The following RNF43 variants were observed in gnomAD, a reference collection of about 807,000 sequenced individuals.
RNF43 encodes the protein ring finger protein 43.
RNF43 carries 37 observed loss-of-function variants against 78.4 expected under a neutral mutation model. The observed-to-expected ratio is 0.47, with a 90% CI of 0.36 to 0.62. The LOEUF (loss-of-function observed/expected upper bound fraction) is 0.62. RNF43 is among the 20% of genes least tolerant of loss of function. The pLI is 0.00. For missense variants in RNF43, 774 were observed against 1,007.9 expected (o/e 0.77, Z 3.14); for synonymous variants, 347 against 395.0 (o/e 0.88, Z 1.44).
intron 2 of RNF43, among the ~76,000 whole-genome samples, chr17:58,375,181 C>T (rs1973181648): frequency 6.6e-6 from 1 of 152,190 alleles, no homozygotes; most frequent in South Asian, 2.1e-4. Context: ...CCCATTCGTT[C>T]TCTATATTGC....
At chr17:58,407,268 C>T (rs992637407) in intron 2 of RNF43, among the ~76,000 whole-genome samples, 9 of 151,952 alleles carry the variant, frequency 5.9e-5, no homozygotes, top group African/African-American at 1.9e-4. Context: ...TTGGTAGAGA[C>T]ATGGTTTCAC....
chr17:58,376,592 T>A (rs1973209830), intron 2 of RNF43, among the ~76,000 whole-genome samples: 1 of 152,180 alleles, frequency 6.6e-6, no homozygotes, highest in Non-Finnish European at 1.5e-5. Flanking sequence ...ACACAGGGGC[T>A]GTCTTTGCCC....
At chr17:58,410,825 T>A (rs1974012373) in intron 2 of RNF43, among the ~76,000 whole-genome samples, 1 of 152,210 alleles carries the variant, frequency 6.6e-6, no homozygotes, top group Non-Finnish European at 1.5e-5. Context: ...TAGCAGGATA[T>A]GATGCACTCT....
chr17:58,394,977 A>G (rs941750598), intron 2 of RNF43: 2 of 152,270 alleles, frequency 1.3e-5, no homozygotes, highest in African/African-American at 4.8e-5. Context: ...ACTCCACCAC[A>G]GAGCTCTCCA....
In RNF43 at chr17:58,373,036, A is replaced by G. The variant is rs1484924407; in HGVS notation, c.253-2003T>C. ...AATTTCTCTGAAGACTGTGGAGGAG[A>G]CTCTGGTGTGGTGGGGAATCTGAAG... On this transcript the variant is annotated intron_variant, in intron 2 of 9. Coordinates refer to ENST00000407977, the MANE Select transcript of RNF43 (RefSeq NM_017763.6). Among the ~76,000 whole-genome samples, 5 of 151,992 alleles carry G rather than the reference A, an allele frequency of 3.3e-5. No homozygotes were observed. In the East Asian group the frequency reaches 7.7e-4, roughly 23 times the overall value.
chr17:58,398,505 G>C (rs1009192585), intron 2 of RNF43, among the ~76,000 whole-genome samples: 19 of 152,078 alleles, frequency 1.2e-4, no homozygotes, highest in Non-Finnish European at 4.4e-5. Flanking sequence ...TTTGGTTCTG[G>C]GGTAAGGTAC....
chr17:58,377,809 C>T (rs1427561078), intron 2 of RNF43, among the ~76,000 whole-genome samples: 3 of 152,016 alleles, frequency 2.0e-5, no homozygotes, highest in Non-Finnish European at 2.9e-5. Flanking sequence ...CCTTTGTAAT[C>T]AAGAACATTG....
chr17:58,385,780 A>T (rs143927391), intron 2 of RNF43, among the ~76,000 whole-genome samples: 1 of 152,294 alleles, frequency 6.6e-6, no homozygotes, highest in East Asian at 1.9e-4. Context: ...ATCTCTTCCA[A>T]GCTGTGGGTA....
At chr17:58,363,488 C>T (rs2143472255) in intron 4 of RNF43, 38 bp downstream of exon 4, 3 of 1,611,524 alleles carry the variant, frequency 1.9e-6, no homozygotes, top group Non-Finnish European at 1.7e-6. Flanking sequence ...CTTCCTCCAT[C>T]CAGCCCCCAC....
chr17:58,371,767 T>C (rs1973102004), intron 2 of RNF43, among the ~76,000 whole-genome samples: 1 of 152,150 alleles, frequency 6.6e-6, no homozygotes, highest in African/African-American at 2.4e-5. Flanking sequence ...GCCCATCTGC[T>C]CTAAGGGCAG....
chr17:58,370,123 C>T (rs1327429636), intron 3 of RNF43, among the ~76,000 whole-genome samples: 1 of 134,286 alleles, frequency 7.4e-6, no homozygotes, highest in Admixed American at 8.2e-5. Context: ...GGCTGGAGTG[C>T]AGTGGCACGA....
chr17:58,378,076 A>G (rs1031711144), intron 2 of RNF43, among the ~76,000 whole-genome samples: 2 of 152,094 alleles, frequency 1.3e-5, no homozygotes, highest in Non-Finnish European at 2.9e-5. Flanking sequence ...AAGGGAGTCA[A>G]TGCTCACATC....
At position 58,357,902 on chromosome 17, in the gene RNF43, C is replaced by A. The variant is rs1301039152; in HGVS notation, c.1874G>T (p.Gly625Val). The A allele has an allele frequency of 6.2e-7, 1 of 1,613,526 alleles. No individual in the cohort carries two copies. Among genetic ancestry groups the A allele is most frequent in the Non-Finnish European group, 8.5e-7 (1 of 1,179,718 alleles). ...CPRALPEPAP[G>V]PVDASSICPS... The stretch of plus-strand genomic sequence containing the variant: ...GCAGATGCTGGAGGCGTCAACTGGG[C>A]CAGGGGCTGGCTCAGGGAGGGCCCT... The change falls in exon 9 of 10, where the codon GGC (glycine) becomes GTC (valine). Residue 625 changes from glycine (G) to valine (V), a missense_variant. Transcript: ENST00000407977. The surrounding 1 kb of genome is among the most constrained non-coding windows in gnomAD (Gnocchi z 4.5).
chr17:58,384,421 G>A (rs1301604503), intron 2 of RNF43, among the ~76,000 whole-genome samples: 1 of 152,184 alleles, frequency 6.6e-6, no homozygotes, highest in Non-Finnish European at 1.5e-5. Context: ...TGTTATCAAG[G>A]TACAAAGCAA....
chr17:58,394,517 A>C (rs1287636103), intron 2 of RNF43, among the ~76,000 whole-genome samples: 1 of 152,254 alleles, frequency 6.6e-6, no homozygotes, highest in Non-Finnish European at 1.5e-5. Context: ...GTATCACTGC[A>C]CTTCTGAAAT....
rs142661644 is a variant in RNF43, at chr17:58,371,784, T to G, written c.253-751A>C. ...CCATCTGCTCTAAGGGCAGATCCTG[T>G]CCAAGACCCTGTGCCTCTGAGCCCA... is the stretch of plus-strand genomic sequence containing the variant. On this transcript the variant is annotated intron_variant, in intron 2 of 9. Coordinates refer to ENST00000407977, the MANE Select transcript of RNF43 (RefSeq NM_017763.6). Among the ~76,000 whole-genome samples, 462 of 152,310 alleles carry G rather than the reference T, an allele frequency of 3.0e-3. 3 individuals are homozygous for G. The highest frequency in any genetic ancestry group is 2.8e-3 in the Non-Finnish European group (193 of 68,022).
chr17:58,368,997 C>A (rs1973017994), intron 3 of RNF43, among the ~76,000 whole-genome samples: 1 of 152,056 alleles, frequency 6.6e-6, no homozygotes, highest in African/African-American at 2.4e-5. Context: ...GGAAAGGGGG[C>A]AGCCCCAGCC....
chr17:58,354,141 G>GT lies in RNF43; in HGVS notation c.*801dup, dbSNP rs1157513341. The GT allele has an allele frequency of 5.0e-6, 1 of 201,248 alleles. No individual in the cohort carries two copies. 12.5% of individuals were successfully genotyped at this position (201,248 alleles called of 1,614,324 possible). On this transcript the variant is annotated 3_prime_UTR_variant, in exon 10 of 10. Transcript: ENST00000407977. ...AACTCTTTGTTGTCCCCGCTCAGCT[G>GT]TAATTCTGCCTTTTCTACCTTCATT...
At position 58,360,261 on chromosome 17, in the gene RNF43, AAG is replaced by A. The variant is rs770655132; in HGVS notation, c.850-12_850-11del. On this transcript the variant is annotated splice_polypyrimidine_tract_variant and intron_variant, in intron 7 of 9. Coordinates refer to ENST00000407977, the MANE Select transcript of RNF43 (RefSeq NM_017763.6). This position sits in a 1 kb window ranked among gnomAD's most constrained non-coding sequence, Gnocchi z 4.3. ...AAATGACCCGTAGCTCCTGGAGAAA[AAG>A]AGGGGGTCCAAACCAAAGGCTTCTG... is the stretch of plus-strand genomic sequence containing the variant. 6.2e-7 allele frequency: 1 copy of A among 1,609,122 alleles called. No homozygotes were observed. Among genetic ancestry groups the A allele is most frequent in the Non-Finnish European group, 8.5e-7 (1 of 1,175,470 alleles).
Sources: gnomAD v4.1 joint callset for allele counts (sites outside exome capture counted in the v4.1 genomes callset) on GRCh38, gnomAD v4.1.1 for gene constraint, Gnocchi (gnomAD v3.1) non-coding constraint, MANE v1.5 for transcripts, NCBI Gene and HGNC (gene_info 2026-07-23, HGNC 2026-07-21) for gene names.